Variants in LRP5 observed in about 807,000 individuals in gnomAD.
LRP5 encodes the protein low-density lipoprotein receptor-related protein 5.
In LRP5, 62 loss-of-function variants were observed where a neutral mutation model predicts 154.1. That is an observed-to-expected ratio of 0.40 (90% confidence interval 0.33 to 0.50). The LOEUF is 0.50. Ranked by LOEUF, LRP5 falls within the 20% of genes least tolerant of loss-of-function variation. The pLI, the probability that LRP5 is intolerant of heterozygous loss-of-function variation, is 0.55. For missense variants in LRP5, 1,915 were observed against 2,336.7 expected (o/e 0.82, Z 3.72); for synonymous variants, 966 against 1,011.5 (o/e 0.96, Z 0.85).
chr11:68,375,431 G>C (rs2098636803), intron 5 of LRP5, among the ~76,000 whole-genome samples: 1 of 152,210 alleles, frequency 6.6e-6, no homozygotes, highest in South Asian at 2.1e-4. Context: ...GCACATCTGA[G>C]TGTGGACCTC....
At position 68,439,821 on chromosome 11, in the gene LRP5, G is replaced by A. The variant is rs771501940; in HGVS notation, c.4393G>A (p.Gly1465Arg). The A allele has an allele frequency of 1.2e-6, 2 of 1,611,704 alleles. No individual in the cohort carries two copies. Among genetic ancestry groups the A allele is most frequent in the East Asian group, 4.5e-5 (2 of 44,836 alleles). ...KSMMSSVSLMGGRGGVPLYDR... is the reference protein window; with the variant it reads ...KSMMSSVSLMRGRGGVPLYDR... ...CATGATGAGCTCCGTGAGCCTGATG[G>A]GGGGCCGGGGCGGGGTGCCCCTCTA... The change falls in exon 21 of 23, where the codon GGG becomes AGG. Residue 1465 changes from glycine to arginine, a missense_variant. Around this residue, in one of 3 missense-constraint regions of LRP5, gnomAD observed 1,094 missense variants for 1,210.1 expected, o/e 0.90. Coordinates refer to ENST00000294304, the MANE Select transcript of LRP5 (RefSeq NM_002335.4).
intron 5 of LRP5, among the ~76,000 whole-genome samples, chr11:68,384,725 G>T (rs2098642057): frequency 6.6e-6 from 1 of 151,790 alleles, no homozygotes; most frequent in African/African-American, 2.4e-5. Context: ...GGCCCTGGGG[G>T]TCAGGAGCAT....
intron 20 of LRP5, among the ~76,000 whole-genome samples, chr11:68,439,387 T>TAA: frequency 1.3e-5 from 2 of 152,276 alleles, no homozygotes; most frequent in East Asian, 3.9e-4. Flanking sequence ...GTAACCTGAT[T>TAA]CTCTCTGGGG....
intron 5 of LRP5, among the ~76,000 whole-genome samples, chr11:68,372,057 A>C (rs1212385346): frequency 6.6e-6 from 1 of 152,234 alleles, no homozygotes; most frequent in Non-Finnish European, 1.5e-5. Context: ...CAGGTAACGA[A>C]GGAGGCTGTG....
At chr11:68,307,388 C>CG in the LRP5 span, among the ~76,000 whole-genome samples, 2 of 151,454 alleles carry the variant, frequency 1.3e-5, no homozygotes, top group African/African-American at 2.4e-5. Flanking sequence ...GATTATAGGC[C>CG]GGGGGGTGGC....
At chr11:68,445,471 T>G in intron 21 of LRP5, 1 of 499,684 alleles carries the variant, frequency 2.0e-6, no homozygotes, top group South Asian at 1.8e-5. Flanking sequence ...TTCACCCGGG[T>G]CTGTCTGGCG....
intron 7 of LRP5, among the ~76,000 whole-genome samples, chr11:68,394,340 A>G (rs535899028): frequency 6.6e-6 from 1 of 152,330 alleles, no homozygotes; most frequent in South Asian, 2.1e-4. Flanking sequence ...AGACAAAGCA[A>G]GAGAAATGCA....
chr11:68,337,353 T>C (rs2098606283), intron 1 of LRP5, among the ~76,000 whole-genome samples: 1 of 152,158 alleles, frequency 6.6e-6, no homozygotes, highest in South Asian at 2.1e-4. Context: ...CGTGAATAAC[T>C]GCTTTGAGGA....
At chr11:68,364,729 T>A (rs2098629997) in intron 4 of LRP5, among the ~76,000 whole-genome samples, 1 of 151,988 alleles carries the variant, frequency 6.6e-6, no homozygotes, top group Admixed American at 6.6e-5. Context: ...GGTTTGGACT[T>A]TGAATTGAAA....
intron 11 of LRP5, among the ~76,000 whole-genome samples, chr11:68,412,301 AC>A (rs1027547429): frequency 5.9e-5 from 9 of 152,086 alleles, no homozygotes; most frequent in Admixed American, 2.6e-4. Context: ...TAACAAAGGA[AC>A]CCCCATCCCC....
intron 5 of LRP5, among the ~76,000 whole-genome samples, chr11:68,374,913 TG>T (rs2098636510): frequency 1.3e-5 from 2 of 152,220 alleles, no homozygotes; most frequent in African/African-American, 4.8e-5. Flanking sequence ...GTGAATGCTG[TG>T]GGCGCCTTTC....
In LRP5 at chr11:68,348,366, G is replaced by C. The variant is rs190223711; in HGVS notation, c.488+123G>C. The C allele has an allele frequency of 5.3e-5, 69 of 1,305,574 alleles. No homozygotes were observed. The East Asian group carries it at 6.9e-4, about 13-fold the overall frequency. The allele number at this position is 1,305,574 out of a possible 1,614,324, so 80.9% of individuals were successfully genotyped here. ...GGTGTGACTCTGAAAATGAACCCGT[G>C]GGGGGGTTGGCTCAGGCCTGTAACC... On this transcript the variant is annotated intron_variant, in intron 2 of 22. Coordinates refer to ENST00000294304, the MANE Select transcript of LRP5 (RefSeq NM_002335.4).
At chr11:68,442,364 T>C (rs867989397) in intron 21 of LRP5, among the ~76,000 whole-genome samples, 7 of 152,202 alleles carry the variant, frequency 4.6e-5, no homozygotes, top group Admixed American at 1.3e-4. Context: ...AGCCTCAAAC[T>C]CCTGGGCTCA....
intron 1 of LRP5, among the ~76,000 whole-genome samples, chr11:68,330,139 A>G (rs188379145): frequency 6.6e-6 from 1 of 152,246 alleles, no homozygotes; most frequent in East Asian, 1.9e-4. Context: ...GTGTGTGTGC[A>G]TGCGTGTGTT....
At chr11:68,352,352 T>C (rs2098619415) in intron 2 of LRP5, among the ~76,000 whole-genome samples, 2 of 152,234 alleles carry the variant, frequency 1.3e-5, no homozygotes, top group African/African-American at 4.8e-5. Flanking sequence ...GGCGTGACCA[T>C]GCTGCATGTC....
chr11:68,358,106 GTT>G (rs917853411), intron 3 of LRP5, among the ~76,000 whole-genome samples: 1 of 145,188 alleles, frequency 6.9e-6, no homozygotes. Flanking sequence ...CCCATGCACA[GTT>G]TTTTTTTTTT....
At chr11:68,433,543 A>G in intron 17 of LRP5, 59 bp from the exon 18 acceptor site, 2 of 1,449,648 alleles carry the variant, frequency 1.4e-6, no homozygotes, top group Admixed American at 1.7e-5. Context: ...CAGTCACGCC[A>G]TTGCCTGGGT....
chr11:68,359,333 T>C (rs896045471), intron 3 of LRP5, among the ~76,000 whole-genome samples: 2 of 152,188 alleles, frequency 1.3e-5, no homozygotes, highest in African/African-American at 4.8e-5. Flanking sequence ...CACATCTCTT[T>C]TGGGCTGGTT....
intron 2 of LRP5, 117 bp downstream of exon 2, chr11:68,348,360 AC>A (rs2098615271): frequency 1.5e-5 from 20 of 1,367,086 alleles, no homozygotes; most frequent in Non-Finnish European, 2.0e-5. Context: ...CTGAAAATGA[AC>A]CCGTGGGGGG....
Sources: allele counts gnomAD v4.1 joint callset (sites outside exome capture counted in the v4.1 genomes callset), GRCh38; gene constraint gnomAD v4.1.1; regional missense constraint gnomAD v4.1.1; transcripts MANE v1.5; gene names NCBI Gene and HGNC (gene_info 2026-07-23, HGNC 2026-07-21).